Variants in AEBP2 observed in about 807,000 individuals in gnomAD.
AEBP2 encodes AE binding protein 2, also known as zinc finger protein AEBP2.
In AEBP2, 10 loss-of-function variants were observed where a neutral mutation model predicts 50.8. The ratio of observed to expected loss-of-function variants is 0.20; its 90% confidence interval spans 0.12 to 0.33. The LOEUF is 0.33. Ranked by LOEUF, AEBP2 falls within the 10% of genes least tolerant of loss-of-function variation. The pLI is 1.00. For synonymous variants in AEBP2, 296 were observed against 261.3 expected (o/e 1.13, Z -1.28); for missense variants, 570 against 688.0 (o/e 0.83, Z 1.92).
intron 1 of AEBP2, among the ~76,000 whole-genome samples, chr12:19,421,694 A>G (rs1006780535): frequency 6.6e-6 from 1 of 152,236 alleles, no homozygotes; most frequent in Non-Finnish European, 1.5e-5. Context: ...ACCTTGTCAC[A>G]TAGCAGGGGG....
intron 1 of AEBP2, among the ~76,000 whole-genome samples, chr12:19,443,082 A>G (rs1463261270): frequency 1.4e-5 from 2 of 142,744 alleles, no homozygotes; most frequent in African/African-American, 5.3e-5. Flanking sequence ...TTTGTTGAAC[A>G]TCTTTGTTAA....
At chr12:19,501,463 T>G (rs1949073301) in intron 5 of AEBP2, among the ~76,000 whole-genome samples, 1 of 152,038 alleles carries the variant, frequency 6.6e-6, no homozygotes, top group Admixed American at 6.6e-5. Flanking sequence ...GGCAAATCCC[T>G]GTCTCTACAA....
intron 4 of AEBP2, among the ~76,000 whole-genome samples, chr12:19,494,980 C>T (rs993701265): frequency 6.7e-6 from 1 of 149,430 alleles, no homozygotes; most frequent in Non-Finnish European, 1.5e-5. Flanking sequence ...GATCTCGGCT[C>T]ACTGCAACCT....
At chr12:19,512,804 C>T (rs1453514521) in intron 6 of AEBP2, among the ~76,000 whole-genome samples, 7 of 151,832 alleles carry the variant, frequency 4.6e-5, no homozygotes, top group African/African-American at 9.7e-5. Context: ...AAAAATTAGC[C>T]GGGTGTGGTG....
chr12:19,473,203 T>G, intron 2 of AEBP2, 45 bp from the exon 3 acceptor site: 102 of 949,600 alleles, frequency 1.1e-4, no homozygotes, highest in Middle Eastern at 2.9e-4. Flanking sequence ...AAACTCTTCT[T>G]GAGATAAGTC....
chr12:19,486,012 G>A (rs1287865282), intron 3 of AEBP2, among the ~76,000 whole-genome samples: 2 of 132,522 alleles, frequency 1.5e-5, no homozygotes, highest in African/African-American at 5.6e-5. Flanking sequence ...TGTGTCTAAT[G>A]CACACTTGTT....
chr12:19,408,863 A>C (rs538691257), intron 1 of AEBP2, among the ~76,000 whole-genome samples: 18 of 152,196 alleles, frequency 1.2e-4, no homozygotes, highest in African/African-American at 4.3e-4. Context: ...AGATCTCGCT[A>C]CTGCACTCCA....
chr12:19,423,036 G>A lies in AEBP2; in HGVS notation c.-17+18820G>A, dbSNP rs1045141800. Among the ~76,000 whole-genome samples, 10 of 127,018 alleles carry A rather than the reference G, an allele frequency of 7.9e-5. No individual in the cohort carries two copies. In the Admixed American group the frequency reaches 9.7e-4, roughly 12 times the overall value. 83.3% of individuals were successfully genotyped at this position (127,018 alleles called of 152,430 possible). A position where few individuals can be genotyped will look rare whatever the true frequency, so the allele number is the denominator to read the frequency against. On this transcript the variant is annotated intron_variant, in intron 1 of 3. Transcript: ENST00000538425. ...GCCGAGATTGTGCCACTGCACTCCA[G>A]GCTGGGTGACAGAGTGAGACTCTGT...
At chr12:19,421,025 G>C (rs1429877690) in intron 1 of AEBP2, among the ~76,000 whole-genome samples, 3 of 152,164 alleles carry the variant, frequency 2.0e-5, no homozygotes, top group Non-Finnish European at 4.4e-5. Flanking sequence ...GAAGATTTGA[G>C]TAAGAGTGCT....
At chr12:19,413,651 A>G (rs796130570) in intron 1 of AEBP2, among the ~76,000 whole-genome samples, 8 of 152,216 alleles carry the variant, frequency 5.3e-5, no homozygotes, top group African/African-American at 1.7e-4. Context: ...CTGGTTGTCC[A>G]TTTTTATGGT....
intron 3 of AEBP2, among the ~76,000 whole-genome samples, chr12:19,488,642 C>T (rs1333890818): frequency 6.6e-6 from 1 of 152,116 alleles, no homozygotes; most frequent in African/African-American, 2.4e-5. Context: ...TGTTGATCTT[C>T]AGAAGGACTT....
At chr12:19,468,209 T>G (rs1044946003) in intron 2 of AEBP2, among the ~76,000 whole-genome samples, 27 of 151,328 alleles carry the variant, frequency 1.8e-4, no homozygotes, top group African/African-American at 6.3e-4. Context: ...AGTCTTACTA[T>G]GTTGTCCAGC....
chr12:19,413,075 G>A (rs776283245), intron 1 of AEBP2: 6 of 564,738 alleles, frequency 1.1e-5, no homozygotes, highest in South Asian at 5.2e-5. Context: ...CACAGTCTCA[G>A]CTTTTGGAGC....
At position 19,423,687 on chromosome 12, in the gene AEBP2, T is replaced by C. The variant is rs562035364; in HGVS notation, c.-17+19471T>C. On this transcript the variant is annotated intron_variant, in intron 1 of 3. Transcript: ENST00000538425. ...TAGGCTGAGGTTAATGTAAAATACA[T>C]GAGAGGGGCCGGGCACCATGGCTTA... is the stretch of plus-strand genomic sequence containing the variant. 2.0e-5 allele frequency among the ~76,000 whole-genome samples: 3 copies of C among 152,116 alleles called. No individual in the cohort carries two copies. The South Asian group carries it at 6.2e-4, about 32-fold the overall frequency.
At chr12:19,453,381 A>ATG (rs1350462176) in intron 1 of AEBP2, among the ~76,000 whole-genome samples, 14 of 150,010 alleles carry the variant, frequency 9.3e-5, no homozygotes, top group Admixed American at 8.6e-4. Context: ...GCCTCCCAAC[A>ATG]TGTTGGGATT....
At chr12:19,468,649 A>G (rs961211313) in intron 2 of AEBP2, among the ~76,000 whole-genome samples, 3 of 152,236 alleles carry the variant, frequency 2.0e-5, no homozygotes, top group South Asian at 2.1e-4. Context: ...ACATTCAGAT[A>G]CATACACTGG....
At chr12:19,443,142 G>A (rs1395378350) in intron 1 of AEBP2, among the ~76,000 whole-genome samples, 1 of 151,154 alleles carries the variant, frequency 6.6e-6, no homozygotes, top group Non-Finnish European at 1.5e-5. Flanking sequence ...TATCGCCCAG[G>A]CTGGAGTGCA....
chr12:19,515,982 G>A (rs560975085), intron 7 of AEBP2, among the ~76,000 whole-genome samples: 77 of 152,242 alleles, frequency 5.1e-4, no homozygotes, highest in African/African-American at 1.6e-3. Context: ...CTACTCAGGA[G>A]GCTGAGGTAG....
chr12:19,439,639 G>A lies in AEBP2; in HGVS notation c.-61G>A. On this transcript the variant is annotated 5_prime_UTR_variant, in exon 1 of 8. Transcript: ENST00000266508. ...GCGTTTGGGAGGGGGGCGAGGGAGAGAGAGTCGAGAGAGGGAGGCGGCGGT... is the reference window on the plus strand; with the variant it reads ...GCGTTTGGGAGGGGGGCGAGGGAGAAAGAGTCGAGAGAGGGAGGCGGCGGT... 5 of 1,495,634 alleles carry A rather than the reference G, an allele frequency of 3.3e-6. No individual in the cohort carries two copies. The highest frequency in any genetic ancestry group is 2.7e-5 in the East Asian group (1 of 37,512). 92.6% of individuals were successfully genotyped at this position (1,495,634 alleles called of 1,614,324 possible). A position where few individuals can be genotyped will look rare whatever the true frequency, so the allele number is the denominator to read the frequency against.
Sources: allele counts gnomAD v4.1 joint callset (sites outside exome capture counted in the v4.1 genomes callset), GRCh38; gene constraint gnomAD v4.1.1; transcripts MANE v1.5; gene names NCBI Gene and HGNC (gene_info 2026-07-23, HGNC 2026-07-21).